MAST4: variants seen among roughly 807,000 people sequenced by gnomAD.
MAST4 encodes microtubule-associated serine/threonine-protein kinase 4.
MAST4 carries 89 observed loss-of-function variants against 162.7 expected under a neutral mutation model. That is an observed-to-expected ratio of 0.55 (90% CI 0.46 to 0.65). MAST4 has a LOEUF of 0.65. Among genes scored for constraint, MAST4 ranks in the 30% least tolerant of loss-of-function variants. MAST4 has a pLI of 0.00. For missense variants in MAST4, 3,153 were observed against 3,374.0 expected, an observed-to-expected ratio of 0.93 and a Z score of 1.62; for synonymous variants, 1,479 against 1,361.1, an observed-to-expected ratio of 1.09 and a Z score of -1.91.
chr5:66,815,406 A>G (rs1756669431), intron 3 of MAST4, among the ~76,000 whole-genome samples: 1 of 152,174 alleles, frequency 6.6e-6, no homozygotes, highest in Non-Finnish European at 1.5e-5. Flanking sequence ...CATAGTTATA[A>G]TTGTGCTATT....
intron 26 of MAST4, among the ~76,000 whole-genome samples, chr5:67,154,213 A>G (rs1302329038): frequency 2.6e-5 from 4 of 152,202 alleles, no homozygotes; most frequent in Non-Finnish European, 4.4e-5. Flanking sequence ...GAGAGAAAGG[A>G]CACACACTGA....
intron 3 of MAST4, among the ~76,000 whole-genome samples, chr5:66,869,770 C>G (rs74318100): frequency 1.3e-5 from 2 of 152,156 alleles, no homozygotes; most frequent in Admixed American, 6.5e-5. Context: ...GAGATCTGAG[C>G]AAATGCTAGC....
intron 1 of MAST4, among the ~76,000 whole-genome samples, chr5:66,648,073 T>TGA (rs1394688404): frequency 1.1e-5 from 1 of 94,794 alleles, no homozygotes; most frequent in African/African-American, 4.2e-5. Flanking sequence ...TGTGTGTGTG[T>TGA]GTGTGTGTGT....
At chr5:66,778,789 G>A (rs927342023) in intron 2 of MAST4, among the ~76,000 whole-genome samples, 1 of 152,218 alleles carries the variant, frequency 6.6e-6, no homozygotes, top group Non-Finnish European at 1.5e-5. Context: ...CTGGTTCACA[G>A]TGGCAGTGGC....
intron 3 of MAST4, among the ~76,000 whole-genome samples, chr5:66,843,978 G>A (rs1189247713): frequency 6.6e-6 from 1 of 152,008 alleles, no homozygotes; most frequent in African/African-American, 2.4e-5. Context: ...TAGTGGTGGT[G>A]GTGCCCAGTG....
At chr5:67,154,771 C>A (rs1459193445) in intron 26 of MAST4, among the ~76,000 whole-genome samples, 2 of 152,212 alleles carry the variant, frequency 1.3e-5, no homozygotes, top group Non-Finnish European at 2.9e-5. Flanking sequence ...AAAGGAAGCA[C>A]TCAAGAGGAG....
intron 2 of MAST4, among the ~76,000 whole-genome samples, chr5:66,785,633 T>A (rs1755078127): frequency 6.6e-6 from 1 of 152,292 alleles, no homozygotes; most frequent in South Asian, 2.1e-4. Flanking sequence ...ACTTTATACT[T>A]AAAAAGGAAG....
At chr5:66,840,597 T>C (rs1301245104) in intron 3 of MAST4, among the ~76,000 whole-genome samples, 2 of 152,178 alleles carry the variant, frequency 1.3e-5, no homozygotes, top group Admixed American at 6.5e-5. Context: ...CCTCCACCTC[T>C]TGACTCTGGG....
intron 3 of MAST4, among the ~76,000 whole-genome samples, chr5:66,809,388 A>C (rs1299566590): frequency 2.0e-5 from 3 of 152,220 alleles, no homozygotes; most frequent in Non-Finnish European, 2.9e-5. Context: ...TGTGATTGGC[A>C]GTTGATCAAC....
intron 4 of MAST4, among the ~76,000 whole-genome samples, chr5:67,013,279 A>T (rs1372320054): frequency 2.6e-5 from 4 of 152,200 alleles, no homozygotes; most frequent in African/African-American, 9.7e-5. Flanking sequence ...AAAGTTTCTA[A>T]CCTGACATGG....
intron 14 of MAST4, among the ~76,000 whole-genome samples, chr5:67,124,231 G>T (rs114983084): frequency 6.6e-6 from 1 of 152,194 alleles, no homozygotes; most frequent in East Asian, 1.9e-4. Flanking sequence ...TCACAGGGAG[G>T]TCAGTGTAGG....
intron 1 of MAST4, among the ~76,000 whole-genome samples, chr5:66,741,237 T>C (rs779789639): frequency 6.6e-5 from 10 of 152,200 alleles, no homozygotes; most frequent in Non-Finnish European, 1.2e-4. Flanking sequence ...ACTAATATGA[T>C]AGACTAACCC....
chr5:66,832,706 A>T (rs957437778), intron 3 of MAST4, among the ~76,000 whole-genome samples: 15 of 152,234 alleles, frequency 9.9e-5, no homozygotes, highest in Non-Finnish European at 2.2e-4. Context: ...CAATAGTAGG[A>T]TCATTACATG....
At position 67,165,763 on chromosome 5, in the gene MAST4, G is replaced by A. The variant is rs533745852; in HGVS notation, c.6584G>A (p.Arg2195Gln). The change falls in exon 29 of 29, where the codon CGG becomes CAG. Residue 2195 changes from arginine (R) to glutamine (Q), a missense_variant. Arg to Gln is a conservative substitution (Grantham distance 43). Transcript: ENST00000403625. ...AGTGAAAGCAGCAGCCACAAGCCCC[G>A]GCCTGGCCCTGACCCGGGCCCTCCA... is the stretch of plus-strand genomic sequence containing the variant. ...AHSESSSHKPRPGPDPGPPKT... is the reference protein window; with the variant it reads ...AHSESSSHKPQPGPDPGPPKT... 1.9e-6 allele frequency: 3 copies of A among 1,597,908 alleles called. No individual in the cohort carries two copies. The East Asian group carries it at 6.9e-5, about 37-fold the overall frequency.
chr5:66,647,459 C>A (rs998489337), intron 1 of MAST4, among the ~76,000 whole-genome samples: 2 of 151,738 alleles, frequency 1.3e-5, no homozygotes, highest in African/African-American at 4.8e-5. Flanking sequence ...AATAAAAAAT[C>A]AATAATGTAT....
Position 66,759,812 on chromosome 5 carries a change from G to C in MAST4, c.467G>C (p.Ser156Thr), listed in dbSNP as rs1178453545. Residue 156 changes from serine (S) to threonine (T), a missense_variant, in exon 2 of 29, where the codon AGT becomes ACT. Transcript: ENST00000403625. Reference sequence around the variant, plus strand: ...TCACTGAAGTATAAAAGACAGCTGAGTGAGGATGGAAGACAGCTAAGGCGA... The same window carrying C: ...TCACTGAAGTATAAAAGACAGCTGACTGAGGATGGAAGACAGCTAAGGCGA... ...GKSLKYKRQL[S>T]EDGRQLRRGS... 6.2e-7 allele frequency: 1 copy of C among 1,613,850 alleles called. No individual in the cohort carries two copies.
chr5:66,899,299 G>C (rs1163005399), intron 3 of MAST4, among the ~76,000 whole-genome samples: 2 of 152,126 alleles, frequency 1.3e-5, no homozygotes, highest in South Asian at 4.2e-4. Flanking sequence ...TTAAAATTGA[G>C]ATAAGTGTGA....
At chr5:66,997,559 C>G (rs1338327767) in intron 4 of MAST4, among the ~76,000 whole-genome samples, 1 of 151,438 alleles carries the variant, frequency 6.6e-6, no homozygotes, top group Non-Finnish European at 1.5e-5. Context: ...AGCCTCCCAA[C>G]TAGCTGGGAT....
intron 3 of MAST4, among the ~76,000 whole-genome samples, chr5:66,890,362 A>G (rs1048554391): frequency 1.3e-5 from 2 of 152,188 alleles, no homozygotes; most frequent in African/African-American, 2.4e-5. Flanking sequence ...TTGAAAGACA[A>G]TATGTGTACA....
Sources: allele counts gnomAD v4.1 joint callset (sites outside exome capture counted in the v4.1 genomes callset), GRCh38; gene constraint gnomAD v4.1.1; transcripts MANE v1.5; gene names NCBI Gene and HGNC (gene_info 2026-07-23, HGNC 2026-07-21).